KCNIP4: variants seen among roughly 807,000 people sequenced by gnomAD.
KCNIP4 encodes Kv channel-interacting protein 4.
Under a neutral mutation model 34.0 loss-of-function variants are expected in KCNIP4, and 12 were observed. The observed-to-expected ratio is 0.35, with a 90% CI of 0.23 to 0.57. The LOEUF is 0.57. Ranked by LOEUF, KCNIP4 falls within the 20% of genes least tolerant of loss-of-function variation. The probability of loss-of-function intolerance (pLI) is 0.83; values close to 1 mark genes in which losing one functional copy is unlikely to be tolerated. For synonymous variants in KCNIP4, 124 were observed against 102.2 expected, an observed-to-expected ratio of 1.21 and a Z score of -1.29; for missense variants, 238 against 311.7, an observed-to-expected ratio of 0.76 and a Z score of 1.78.
intron 1 of KCNIP4, among the ~76,000 whole-genome samples, chr4:21,569,177 G>C (rs1740153583): frequency 8.0e-6 from 1 of 125,416 alleles, no homozygotes; most frequent in Non-Finnish European, 1.6e-5. Flanking sequence ...AGCTTTAATG[G>C]AGTCTACAAG....
intron 1 of KCNIP4, among the ~76,000 whole-genome samples, chr4:20,906,337 G>A (rs13125193): frequency 1.3e-5 from 2 of 151,990 alleles, no homozygotes; most frequent in East Asian, 1.9e-4. Context: ...CCCTTACCCC[G>A]TCTGCACTGA....
intron 2 of KCNIP4, among the ~76,000 whole-genome samples, chr4:20,864,255 C>T (rs545397670): frequency 3.3e-5 from 5 of 150,252 alleles, no homozygotes; most frequent in Admixed American, 6.6e-5. Context: ...TGTATATATG[C>T]ACACATATGT....
intron 1 of KCNIP4, among the ~76,000 whole-genome samples, chr4:21,314,305 T>C (rs1221526115): frequency 9.2e-5 from 14 of 152,310 alleles, no homozygotes; most frequent in Non-Finnish European, 2.9e-5. Context: ...AGTCAACTGA[T>C]TAGGAACCTT....
At chr4:20,767,467 G>A (rs913395882) in intron 3 of KCNIP4, 1 of 152,274 alleles carries the variant, frequency 6.6e-6, no homozygotes, top group Non-Finnish European at 1.5e-5. Flanking sequence ...GGGTGCTTTG[G>A]AGAAAGATCC....
At chr4:21,705,542 T>C (rs917362564) in intron 1 of KCNIP4, among the ~76,000 whole-genome samples, 5 of 152,068 alleles carry the variant, frequency 3.3e-5, no homozygotes, top group South Asian at 2.1e-4. Context: ...GTGAACCCAA[T>C]AGACAAAATT....
intron 1 of KCNIP4, among the ~76,000 whole-genome samples, chr4:21,020,467 C>T (rs773642450): frequency 2.0e-5 from 3 of 152,032 alleles, no homozygotes; most frequent in Non-Finnish European, 4.4e-5. Context: ...GATGATACTC[C>T]CTCTTCTGCC....
chr4:21,077,624 C>T (rs1434249829), intron 1 of KCNIP4, among the ~76,000 whole-genome samples: 1 of 152,038 alleles, frequency 6.6e-6, no homozygotes, highest in African/African-American at 2.4e-5. Flanking sequence ...TAAGAGCCTT[C>T]GTTGTCTTTC....
chr4:20,841,674 T>C (rs1333158901), intron 3 of KCNIP4, among the ~76,000 whole-genome samples: 1 of 152,036 alleles, frequency 6.6e-6, no homozygotes, highest in African/African-American at 2.4e-5. Context: ...TTGGACCAGA[T>C]TTCTAGAGGG....
intron 1 of KCNIP4, among the ~76,000 whole-genome samples, chr4:21,247,865 T>TATATAC (rs1553845757): frequency 8.2e-6 from 1 of 122,438 alleles, no homozygotes; most frequent in African/African-American, 3.4e-5. Flanking sequence ...TATATATATA[T>TATATAC]ACACACACAC....
intron 1 of KCNIP4, among the ~76,000 whole-genome samples, chr4:21,489,234 A>T (rs949550749): frequency 6.6e-6 from 1 of 151,900 alleles, no homozygotes; most frequent in African/African-American, 2.4e-5. Flanking sequence ...AATGAGTGAT[A>T]ACTCAGTACT....
intron 1 of KCNIP4, among the ~76,000 whole-genome samples, chr4:21,937,484 T>A (rs547452571): frequency 1.9e-4 from 29 of 152,158 alleles, no homozygotes; most frequent in African/African-American, 7.0e-4. Context: ...TATGCAAAAT[T>A]AATTCCCTTC....
At chr4:21,824,348 T>A (rs926190459) in intron 1 of KCNIP4, among the ~76,000 whole-genome samples, 1 of 152,166 alleles carries the variant, frequency 6.6e-6, no homozygotes, top group Non-Finnish European at 1.5e-5. Flanking sequence ...TTAGGAGTCA[T>A]GCAGCCAGAG....
chr4:21,010,992 A>G (rs1739015158), intron 1 of KCNIP4, among the ~76,000 whole-genome samples: 1 of 152,186 alleles, frequency 6.6e-6, no homozygotes, highest in Non-Finnish European at 1.5e-5. Context: ...CATAACCTGC[A>G]CATATGTCTC....
At chr4:21,731,377 C>G (rs116793618) in intron 1 of KCNIP4, among the ~76,000 whole-genome samples, 1 of 152,006 alleles carries the variant, frequency 6.6e-6, no homozygotes, top group African/African-American at 2.4e-5. Context: ...AATACGCTTT[C>G]GACGTGATAG....
chr4:21,388,055 A>G (rs1908552), intron 1 of KCNIP4, among the ~76,000 whole-genome samples: 132,281 of 151,664 alleles, frequency 0.87, 57,825 homozygotes, highest in Non-Finnish European at 0.9. Flanking sequence ...AGGGACAGCT[A>G]GAGAGGGCTG....
At chr4:21,670,264 C>G (rs1264485989) in intron 1 of KCNIP4, among the ~76,000 whole-genome samples, 4 of 151,960 alleles carry the variant, frequency 2.6e-5, no homozygotes, top group Admixed American at 6.6e-5. Flanking sequence ...AGTTCATGGC[C>G]TTTGTAGGGA....
intron 4 of KCNIP4, 63 bp from the exon 5 acceptor site, chr4:20,749,795 T>G (rs1177866124): frequency 4.6e-6 from 5 of 1,098,714 alleles, no homozygotes; most frequent in African/African-American, 1.6e-5. Flanking sequence ...AAGACTTGGA[T>G]AGCAGTCCAA....
At chr4:21,177,882 T>A (rs1047913595) in intron 1 of KCNIP4, among the ~76,000 whole-genome samples, 6 of 143,482 alleles carry the variant, frequency 4.2e-5, no homozygotes, top group Non-Finnish European at 7.5e-5. Context: ...ATATATAAAA[T>A]ATAACATTTA....
chr4:21,514,214 T>C (rs1347663186), intron 1 of KCNIP4, among the ~76,000 whole-genome samples: 4 of 152,136 alleles, frequency 2.6e-5, no homozygotes, highest in Admixed American at 2.6e-4. Context: ...AAATGAACCA[T>C]TTGGGTAATT....
Sources: allele counts gnomAD v4.1 joint callset (sites outside exome capture counted in the v4.1 genomes callset), GRCh38; gene constraint gnomAD v4.1.1; transcripts MANE v1.5; gene names NCBI Gene and HGNC (gene_info 2026-07-23, HGNC 2026-07-21).